The following PLD5 variants were observed in gnomAD, a reference collection of about 807,000 sequenced individuals.
The protein encoded by PLD5 is inactive phospholipase D5.
A neutral mutation model predicts 61.1 loss-of-function variants in PLD5; 36 were observed. The observed-to-expected ratio is 0.59, with a 90% CI of 0.45 to 0.78. The LOEUF (loss-of-function observed/expected upper bound fraction) is 0.78, where lower values mean the gene tolerates loss of function less well. Ranked by LOEUF, PLD5 falls within the 30% of genes least tolerant of loss-of-function variation. PLD5 has a pLI of 0.00. For synonymous variants in PLD5, 243 were observed against 242.8 expected (o/e 1.00, Z -0.01); for missense variants, 515 against 644.4 (o/e 0.80, Z 2.17).
chr1:242,118,688 C>T (rs1662137044), intron 6 of PLD5, among the ~76,000 whole-genome samples: 1 of 152,218 alleles, frequency 6.6e-6, no homozygotes, highest in Non-Finnish European at 1.5e-5. Context: ...TGCCTTATTG[C>T]TTCCTGTGTT....
intron 1 of PLD5, among the ~76,000 whole-genome samples, chr1:242,390,421 A>C (rs1232386626): frequency 6.6e-6 from 1 of 152,046 alleles, no homozygotes; most frequent in African/African-American, 2.4e-5. Context: ...TTCTTTTTTA[A>C]CTCTCACACA....
At chr1:242,282,338 CAAA>C (rs71297768) in intron 3 of PLD5, among the ~76,000 whole-genome samples, 1 of 152,130 alleles carries the variant, frequency 6.6e-6, no homozygotes, top group African/African-American at 2.4e-5. Flanking sequence ...CAAAACAAAA[CAAA>C]AACCTCAGCT....
At chr1:242,513,281 CA>C (rs1668995793) in intron 1 of PLD5, among the ~76,000 whole-genome samples, 1 of 152,138 alleles carries the variant, frequency 6.6e-6, no homozygotes, top group Non-Finnish European at 1.5e-5. Flanking sequence ...CTGTCTCACT[CA>C]ACACACATTC....
Position 242,524,256 on chromosome 1 carries a change from C to CT in PLD5, c.20dup (p.Trp8ValfsTer8), listed in dbSNP as rs1479021597. The stretch of plus-strand genomic sequence containing the variant: ...CCTCATGGGGGGAGGCCGAGAGCCA[C>CT]TCGTGCTGCCGGATCTCCATCCTGA... On this transcript the variant is annotated frameshift_variant, in exon 1 of 10. Transcript: ENST00000536534. LOFTEE classifies it high-confidence loss of function. 2 of 1,489,908 alleles carry CT rather than the reference C, an allele frequency of 1.3e-6. No individual in the cohort carries two copies. The highest frequency in any genetic ancestry group is 5.5e-5 in the East Asian group (2 of 36,502). 92.3% of individuals were successfully genotyped at this position (1,489,908 alleles called of 1,614,324 possible). A position where few individuals can be genotyped will look rare whatever the true frequency, so the allele number is the denominator to read the frequency against.
At chr1:242,496,786 G>C (rs916261129) in intron 1 of PLD5, among the ~76,000 whole-genome samples, 6 of 152,200 alleles carry the variant, frequency 3.9e-5, no homozygotes, top group Non-Finnish European at 8.8e-5. Context: ...AAACACCCCT[G>C]AATGTTAGCT....
chr1:242,206,761 G>A (rs1490072401), intron 5 of PLD5, among the ~76,000 whole-genome samples: 2 of 152,176 alleles, frequency 1.3e-5, no homozygotes, highest in Non-Finnish European at 2.9e-5. Context: ...AGGAGGAAGA[G>A]GATGGGTTGG....
upstream of PLD5, among the ~76,000 whole-genome samples, chr1:242,527,114 CTTTTTTTTTTTTTTTTTT>C (rs530334746): frequency 1.8e-3 from 128 of 71,998 alleles, 2 homozygotes; most frequent in African/African-American, 6.6e-3. Context: ...CTATCTCCTT[CTTTTTTTTTTTTTTTTTT>C]TTTTTTTTTT....
chr1:242,376,674 C>A (rs1357478136), intron 1 of PLD5, among the ~76,000 whole-genome samples: 1 of 152,084 alleles, frequency 6.6e-6, no homozygotes, highest in Non-Finnish European at 1.5e-5. Flanking sequence ...AATACTGATA[C>A]AAACATGTAA....
intron 5 of PLD5, among the ~76,000 whole-genome samples, chr1:242,150,632 T>C (rs948498754): frequency 7.2e-5 from 11 of 152,010 alleles, no homozygotes; most frequent in Admixed American, 1.3e-4. Flanking sequence ...ATTCCAACTT[T>C]CTTTCGACAA....
Position 242,087,892 on chromosome 1 carries a change from G to A in PLD5, c.*1962C>T, listed in dbSNP as rs942399899. The A allele has an allele frequency of 1.3e-5, 2 of 152,202 alleles. No individual in the cohort carries two copies. Among genetic ancestry groups the A allele is most frequent in the African/African-American group, 4.8e-5 (2 of 41,436 alleles). The allele number at this position is 152,202 out of a possible 1,614,324, so 9.4% of individuals were successfully genotyped here. A position where few individuals can be genotyped will look rare whatever the true frequency, so the allele number is the denominator to read the frequency against. ...GCTATTATTGATGAAGAATTTCAGT[G>A]AGAATCTCCCAATTAGTCATAAAAC... is the stretch of plus-strand genomic sequence containing the variant. On this transcript the variant is annotated 3_prime_UTR_variant, in exon 10 of 10. Transcript: ENST00000536534.
intron 5 of PLD5, among the ~76,000 whole-genome samples, chr1:242,169,256 G>A (rs569172212): frequency 5.3e-5 from 8 of 152,242 alleles, no homozygotes; most frequent in African/African-American, 1.9e-4. Flanking sequence ...ATCTCACTGG[G>A]AATGGTTGGA....
chr1:242,260,974 C>A (rs1398639853), intron 4 of PLD5, among the ~76,000 whole-genome samples: 1 of 152,176 alleles, frequency 6.6e-6, no homozygotes, highest in Non-Finnish European at 1.5e-5. Flanking sequence ...CAATTTTCAC[C>A]AAGTTTATCT....
At chr1:242,155,202 T>G (rs1478414864) in intron 5 of PLD5, among the ~76,000 whole-genome samples, 1 of 152,180 alleles carries the variant, frequency 6.6e-6, no homozygotes, top group African/African-American at 2.4e-5. Flanking sequence ...ATATCCCCTG[T>G]ATAATTTTTT....
chr1:242,206,664 A>G (rs1669334768), intron 5 of PLD5, among the ~76,000 whole-genome samples: 1 of 152,172 alleles, frequency 6.6e-6, no homozygotes, highest in African/African-American at 2.4e-5. Flanking sequence ...ATCATAAGGG[A>G]AAATATATTT....
At chr1:242,418,046 C>T (rs1286037596) in intron 1 of PLD5, among the ~76,000 whole-genome samples, 1 of 152,122 alleles carries the variant, frequency 6.6e-6, no homozygotes, top group Non-Finnish European at 1.5e-5. Flanking sequence ...AAAGCTTTTG[C>T]CACAATCCAG....
intron 2 of PLD5, among the ~76,000 whole-genome samples, chr1:242,323,903 A>G (rs1302592107): frequency 6.6e-6 from 1 of 152,220 alleles, no homozygotes; most frequent in Non-Finnish European, 1.5e-5. Context: ...ACATGACTTG[A>G]TAAAACAAGA....
At chr1:242,101,807 G>A (rs1660717095) in intron 8 of PLD5, among the ~76,000 whole-genome samples, 1 of 152,204 alleles carries the variant, frequency 6.6e-6, no homozygotes, top group African/African-American at 2.4e-5. Context: ...TGATAAACTA[G>A]ATGATCAGTA....
rs373921592 is a variant in PLD5 at position 242,141,043 on chromosome 1, C to T, written c.736-16378G>A. 3.9e-5 allele frequency among the ~76,000 whole-genome samples: 6 copies of T among 152,282 alleles called. No individual in the cohort carries two copies. The East Asian group carries it at 7.7e-4, about 20-fold the overall frequency. On this transcript the variant is annotated intron_variant, in intron 5 of 9. Coordinates refer to ENST00000536534, the MANE Select transcript of PLD5 (RefSeq NM_001372062.1). ...GGTTTCTGTGAACATTCCACTAAGG[C>T]CTTGGCTCTGTGCTGGGTGAGGAGC...
At chr1:242,342,158 G>T (rs975586885) in intron 2 of PLD5, among the ~76,000 whole-genome samples, 43 of 152,204 alleles carry the variant, frequency 2.8e-4, no homozygotes, top group Admixed American at 3.3e-4. Flanking sequence ...GGAGAAGGAT[G>T]CTGACTGGTT....
Sources: gnomAD v4.1 joint callset for allele counts (sites outside exome capture counted in the v4.1 genomes callset) on GRCh38, gnomAD v4.1.1 for gene constraint, MANE v1.5 for transcripts, NCBI Gene and HGNC (gene_info 2026-07-23, HGNC 2026-07-21) for gene names.